RPS6KC1: variants seen among roughly 807,000 people sequenced by gnomAD.
RPS6KC1 encodes the protein ribosomal protein S6 kinase C1.
Under a neutral mutation model 103.8 loss-of-function variants are expected in RPS6KC1, and 54 were observed. That is an observed-to-expected ratio of 0.52 (90% CI 0.42 to 0.65). The LOEUF (loss-of-function observed/expected upper bound fraction) is 0.65, where lower values mean the gene tolerates loss of function less well. Ranked by LOEUF, RPS6KC1 falls within the 30% of genes least tolerant of loss-of-function variation. RPS6KC1 has a pLI of 0.00. For synonymous variants in RPS6KC1, 439 were observed against 438.7 expected (o/e 1.00, Z -0.01); for missense variants, 1,151 against 1,253.8 (o/e 0.92, Z 1.24).
chr1:213,675,964 T>G, the RPS6KC1 span, among the ~76,000 whole-genome samples: 2 of 152,210 alleles, frequency 1.3e-5, no homozygotes, highest in African/African-American at 4.8e-5. Flanking sequence ...CAGATAAAGT[T>G]CTAACTCAGC....
chr1:213,815,152 C>T, the RPS6KC1 span, among the ~76,000 whole-genome samples: 1 of 151,980 alleles, frequency 6.6e-6, no homozygotes, highest in Non-Finnish European at 1.5e-5. Context: ...GGCTTTTTTC[C>T]CTTTGCTTGG....
At chr1:213,066,336 T>C (rs2078330763) in intron 1 of RPS6KC1, among the ~76,000 whole-genome samples, 1 of 152,222 alleles carries the variant, frequency 6.6e-6, no homozygotes, top group Non-Finnish European at 1.5e-5. Flanking sequence ...GACACAGTTT[T>C]CACTAAGCTT....
the RPS6KC1 span, among the ~76,000 whole-genome samples, chr1:213,390,635 T>C: frequency 0.034 from 5,102 of 152,290 alleles, 314 homozygotes; most frequent in African/African-American, 0.12. Context: ...GTGTGTCTGC[T>C]TTGCCTTGAG....
the RPS6KC1 span, among the ~76,000 whole-genome samples, chr1:213,745,769 C>T: frequency 1.0e-3 from 158 of 152,302 alleles, 2 homozygotes; most frequent in African/African-American, 3.4e-3. Flanking sequence ...TAGTGACTCC[C>T]GTCCTCCCGC....
chr1:213,153,398 T>A (rs1468266252), intron 6 of RPS6KC1, among the ~76,000 whole-genome samples: 1 of 152,158 alleles, frequency 6.6e-6, no homozygotes, highest in East Asian at 1.9e-4. Flanking sequence ...AAATATATCT[T>A]GTAACCCATT....
chr1:213,390,919 A>G, the RPS6KC1 span, among the ~76,000 whole-genome samples: 1 of 152,098 alleles, frequency 6.6e-6, no homozygotes, highest in Non-Finnish European at 1.5e-5. Flanking sequence ...CCATAATTCC[A>G]TACTTCTCAA....
chr1:213,786,923 G>C, the RPS6KC1 span, among the ~76,000 whole-genome samples: 1 of 152,180 alleles, frequency 6.6e-6, no homozygotes, highest in African/African-American at 2.4e-5. Context: ...AAGAAGTAAG[G>C]CATTTACTTA....
At chr1:213,460,554 A>G in the RPS6KC1 span, among the ~76,000 whole-genome samples, 2 of 151,960 alleles carry the variant, frequency 1.3e-5, no homozygotes, top group East Asian at 3.9e-4. Context: ...TTGCCAGTCT[A>G]TGTCTTTTAA....
chr1:213,856,987 C>T, the RPS6KC1 span, among the ~76,000 whole-genome samples: 4 of 152,198 alleles, frequency 2.6e-5, no homozygotes, highest in Admixed American at 1.3e-4. Flanking sequence ...GCACATATAA[C>T]AAAGTTTGGC....
chr1:213,726,110 T>C, the RPS6KC1 span, among the ~76,000 whole-genome samples: 2 of 152,162 alleles, frequency 1.3e-5, no homozygotes, highest in African/African-American at 4.8e-5. Context: ...TTAGAGACAG[T>C]GTCTTGTTCT....
the RPS6KC1 span, among the ~76,000 whole-genome samples, chr1:213,685,141 G>A: frequency 2.6e-5 from 4 of 152,078 alleles, no homozygotes; most frequent in Non-Finnish European, 5.9e-5. Context: ...ACATGCTTGA[G>A]TCTTCTTCCT....
the RPS6KC1 span, among the ~76,000 whole-genome samples, chr1:213,501,583 A>G: frequency 1.3e-5 from 2 of 152,192 alleles, no homozygotes; most frequent in African/African-American, 2.4e-5. Flanking sequence ...TACTAAAAAT[A>G]TTAAAATTAG....
At chr1:213,547,851 A>G in the RPS6KC1 span, among the ~76,000 whole-genome samples, 7,450 of 152,240 alleles carry the variant, frequency 0.049, 642 homozygotes, top group African/African-American at 0.17. Flanking sequence ...TACTGCTGGC[A>G]TAACTGTGAG....
chr1:213,594,814 A>C, the RPS6KC1 span, among the ~76,000 whole-genome samples: 1 of 152,186 alleles, frequency 6.6e-6, no homozygotes, highest in Non-Finnish European at 1.5e-5. Flanking sequence ...AGGCAGAGCC[A>C]GGGACAAGAC....
At chr1:213,395,815 C>T in the RPS6KC1 span, among the ~76,000 whole-genome samples, 1 of 152,188 alleles carries the variant, frequency 6.6e-6, no homozygotes, top group African/African-American at 2.4e-5. Context: ...GGGCGGGCTG[C>T]AGGAAAACAC....
the RPS6KC1 span, among the ~76,000 whole-genome samples, chr1:213,661,229 C>G: frequency 6.6e-6 from 1 of 152,094 alleles, no homozygotes; most frequent in South Asian, 2.1e-4. Context: ...TAGGACTGAC[C>G]CAATTACTGC....
the RPS6KC1 span, among the ~76,000 whole-genome samples, chr1:213,668,098 C>T: frequency 6.6e-6 from 1 of 152,180 alleles, no homozygotes; most frequent in South Asian, 2.1e-4. Flanking sequence ...ATATTTTGAC[C>T]TCTTGCCATG....
the RPS6KC1 span, among the ~76,000 whole-genome samples, chr1:213,571,477 T>A: frequency 6.6e-6 from 1 of 152,142 alleles, no homozygotes; most frequent in Non-Finnish European, 1.5e-5. Context: ...GTTTTCTGGG[T>A]CAAGCACATG....
At chr1:213,806,096 G>A in the RPS6KC1 span, among the ~76,000 whole-genome samples, 1 of 152,198 alleles carries the variant, frequency 6.6e-6, no homozygotes, top group South Asian at 2.1e-4. Context: ...ACTTTGGCAG[G>A]CTGAGGTGGG....
Sources: allele counts gnomAD v4.1 joint callset (sites outside exome capture counted in the v4.1 genomes callset), GRCh38; gene constraint gnomAD v4.1.1; transcripts MANE v1.5; gene names NCBI Gene and HGNC (gene_info 2026-07-23, HGNC 2026-07-21).